The following KIF2A variants were observed in gnomAD, a reference collection of about 807,000 sequenced individuals.
KIF2A encodes the protein kinesin-like protein KIF2A.
KIF2A carries 22 observed loss-of-function variants against 100.2 expected under a neutral mutation model. The ratio of observed to expected loss-of-function variants is 0.22; its 90% CI spans 0.16 to 0.31. The LOEUF (loss-of-function observed/expected upper bound fraction) is 0.31. KIF2A is among the 10% of genes least tolerant of loss of function. The pLI, the probability that KIF2A is intolerant of heterozygous loss-of-function variation, is 1.00. For synonymous variants in KIF2A, 268 were observed against 285.9 expected (o/e 0.94, Z 0.63); for missense variants, 495 against 898.7 (o/e 0.55, Z 5.74).
intron 11 of KIF2A, 70 bp downstream of exon 11, chr5:62,361,599 G>C (rs1748411257): frequency 5.8e-6 from 5 of 861,174 alleles, no homozygotes; most frequent in South Asian, 1.5e-5. Flanking sequence ...TTGAAATAAG[G>C]CTTTAAAATA....
At chr5:62,367,627 A>G (rs1157172317) in intron 16 of KIF2A, among the ~76,000 whole-genome samples, 3 of 152,194 alleles carry the variant, frequency 2.0e-5, no homozygotes, top group Non-Finnish European at 4.4e-5. Context: ...TATAAACATT[A>G]TAAACATTAT....
rs147190455 is a variant in KIF2A, at chr5:62,364,428, G to C, written c.1467+529G>C. On this transcript the variant is annotated intron_variant, in intron 14 of 20. Transcript: ENST00000407818. ...TCCAAAGTGCTGGGATTACAGGCGT[G>C]AGCCACCGCGCCCGGCCCAGAGGGT... Among the ~76,000 whole-genome samples the C allele has an allele frequency of 9.6e-3, 1,461 of 152,298 alleles. 6 individuals are homozygous for C. The highest frequency in any genetic ancestry group is 0.02 in the Middle Eastern group (6 of 294).
chr5:62,340,034 G>T (rs1747211720), intron 1 of KIF2A, among the ~76,000 whole-genome samples: 1 of 151,628 alleles, frequency 6.6e-6, no homozygotes, highest in South Asian at 2.1e-4. Context: ...TGCCTCCCGG[G>T]TTCAAGCAAT....
intron 2 of KIF2A, 31 bp downstream of exon 2, chr5:62,347,255 G>C (rs372518989): frequency 1.1e-5 from 13 of 1,137,758 alleles, no homozygotes; most frequent in Non-Finnish European, 9.1e-6. Context: ...TTTATTCCTA[G>C]TCCTGCAATC....
intron 20 of KIF2A, among the ~76,000 whole-genome samples, chr5:62,383,643 C>T (rs1466757999): frequency 6.6e-6 from 1 of 152,122 alleles, no homozygotes; most frequent in African/African-American, 2.4e-5. Context: ...TCAGCAGTGA[C>T]TGTTGAACTA....
At chr5:62,365,398 G>A (rs1299612699) in intron 15 of KIF2A, 45 bp downstream of exon 15, 2 of 938,518 alleles carry the variant, frequency 2.1e-6, no homozygotes, top group Non-Finnish European at 3.3e-6. Context: ...TAATCCTAAA[G>A]GAATAACTAC....
At chr5:62,330,249 G>A (rs1746566404) in intron 1 of KIF2A, among the ~76,000 whole-genome samples, 1 of 152,162 alleles carries the variant, frequency 6.6e-6, no homozygotes, top group African/African-American at 2.4e-5. Context: ...TACTTGGAAG[G>A]CTGAGATGGG....
At chr5:62,376,446 A>C (rs1184152506) in intron 18 of KIF2A, among the ~76,000 whole-genome samples, 1 of 151,682 alleles carries the variant, frequency 6.6e-6, no homozygotes, top group East Asian at 1.9e-4. Context: ...TTGAGGTGGA[A>C]TCTTGCTCTG....
At chr5:62,306,622 G>A in intron 1 of KIF2A, 86 bp downstream of exon 1, 1 of 1,117,164 alleles carries the variant, frequency 9.0e-7, no homozygotes. Flanking sequence ...CCGCCTCATT[G>A]ATTGCTTCGC....
chr5:62,355,412 C>A (rs1748049584), intron 7 of KIF2A, among the ~76,000 whole-genome samples, 158 bp downstream of exon 7: 1 of 152,198 alleles, frequency 6.6e-6, no homozygotes. Context: ...AAGAAATTAT[C>A]CACATTAATG....
At chr5:62,339,742 G>A (rs1368856881) in intron 1 of KIF2A, among the ~76,000 whole-genome samples, 1 of 146,596 alleles carries the variant, frequency 6.8e-6, no homozygotes, top group African/African-American at 2.5e-5. Context: ...CAACATAAAT[G>A]AATTGCAAAA....
chr5:62,326,878 T>C (rs913409248), intron 1 of KIF2A, among the ~76,000 whole-genome samples: 17 of 152,058 alleles, frequency 1.1e-4, no homozygotes, highest in Non-Finnish European at 2.5e-4. Context: ...ATGCCTGTGG[T>C]CCTACCTACT....
chr5:62,333,327 C>T (rs188824142), intron 1 of KIF2A, among the ~76,000 whole-genome samples: 21 of 152,230 alleles, frequency 1.4e-4, no homozygotes, highest in African/African-American at 4.6e-4. Context: ...CTTTCCAAAA[C>T]TGTTTGTGAG....
chr5:62,384,237 A>C lies in KIF2A; in HGVS notation c.2150-1247A>C, dbSNP rs559148726. 1.4e-4 allele frequency among the ~76,000 whole-genome samples: 21 copies of C among 152,354 alleles called. No homozygotes were observed. In the South Asian group the frequency reaches 4.3e-3, roughly 32 times the overall value. The stretch of plus-strand genomic sequence containing the variant: ...GCACTCCAACCTGGGTGACAGAGTG[A>C]GACTCCATCTCAAAAAAAACAGAAC... On this transcript the variant is annotated intron_variant, in intron 20 of 20. Transcript: ENST00000407818.
intron 4 of KIF2A, among the ~76,000 whole-genome samples, 194 bp downstream of exon 4, chr5:62,350,314 A>G (rs985861006): frequency 7.3e-5 from 11 of 150,968 alleles, no homozygotes; most frequent in Non-Finnish European, 1.5e-4. Context: ...GTCTTGCTCT[A>G]TCACCCAGTC....
chr5:62,324,240 G>C (rs1746250812), intron 1 of KIF2A, among the ~76,000 whole-genome samples: 1 of 152,054 alleles, frequency 6.6e-6, no homozygotes, highest in African/African-American at 2.4e-5. Context: ...AACATTCCAT[G>C]ATCATGGATA....
intron 20 of KIF2A, among the ~76,000 whole-genome samples, chr5:62,383,538 C>T (rs1246102738): frequency 1.3e-5 from 2 of 151,816 alleles, no homozygotes; most frequent in Admixed American, 6.6e-5. Context: ...CCACCACGCC[C>T]GGCCTGCACA....
At chr5:62,356,079 G>T (rs184316978) in intron 7 of KIF2A, among the ~76,000 whole-genome samples, 1 of 152,146 alleles carries the variant, frequency 6.6e-6, no homozygotes, top group Non-Finnish European at 1.5e-5. Flanking sequence ...GATTATAGGC[G>T]TGAGCCACCA....
intron 1 of KIF2A, among the ~76,000 whole-genome samples, chr5:62,341,329 A>G (rs1306935338): frequency 1.1e-4 from 17 of 150,382 alleles, no homozygotes; most frequent in South Asian, 2.1e-4. Context: ...TGGAGACAGG[A>G]TCTCACTCTT....
Sources: gnomAD v4.1 joint callset for allele counts (sites outside exome capture counted in the v4.1 genomes callset) on GRCh38, gnomAD v4.1.1 for gene constraint, MANE v1.5 for transcripts, NCBI Gene and HGNC (gene_info 2026-07-23, HGNC 2026-07-21) for gene names.